The following TEKT5 variants were observed in gnomAD, a reference collection of about 807,000 sequenced individuals.
The protein encoded by TEKT5 is tektin 5, also known as tektin-5.
In TEKT5, 52 loss-of-function variants were observed where a neutral mutation model predicts 48.7. The ratio of observed to expected loss-of-function variants is 1.07; its 90% CI spans 0.86 to 1.35. The LOEUF is 1.35. Ranked by LOEUF, TEKT5 falls within the 40% of genes most tolerant of loss-of-function variation. The pLI, the probability that TEKT5 is intolerant of heterozygous loss-of-function variation, is 0.00. For missense variants in TEKT5, 831 were observed against 641.6 expected (o/e 1.30, Z -3.19); for synonymous variants, 318 against 267.6 (o/e 1.19, Z -1.84).
intron 5 of TEKT5, among the ~76,000 whole-genome samples, chr16:10,648,001 G>C (rs1172477584): frequency 1.3e-5 from 2 of 152,172 alleles, no homozygotes; most frequent in Admixed American, 6.5e-5. Context: ...ACGAGTACTG[G>C]CTACAAGTGA....
Position 10,694,443 on chromosome 16 carries a change from C to A in TEKT5, c.431G>T (p.Arg144Met). 6.2e-7 allele frequency: 1 copy of A among 1,614,218 alleles called. No homozygotes were observed. The highest frequency in any genetic ancestry group is 8.5e-7 in the Non-Finnish European group (1 of 1,180,046). ...QEGTCRNLGQ[R>M]LSDIGFWKSE... ...CTTCCAGAAGCCAATGTCCGACAGCCTCTGGCCCAGGTTCCGGCAGGTGCC... is the reference window on the plus strand; with the variant it reads ...CTTCCAGAAGCCAATGTCCGACAGCATCTGGCCCAGGTTCCGGCAGGTGCC... The change falls in exon 1 of 7, where the codon AGG becomes ATG. Residue 144 changes from arginine (R) to methionine (M), a missense_variant. Physicochemically the swap from Arg to Met is moderately conservative, Grantham distance 91. Transcript: ENST00000283025.
At chr16:10,635,027 A>G (rs1897893742) in intron 6 of TEKT5, among the ~76,000 whole-genome samples, 3 of 152,160 alleles carry the variant, frequency 2.0e-5, no homozygotes, top group Admixed American at 6.5e-5. Context: ...ATTACACAGC[A>G]ATAGACAACT....
intron 5 of TEKT5, among the ~76,000 whole-genome samples, chr16:10,645,922 A>G (rs1898062870): frequency 6.6e-6 from 1 of 152,010 alleles, no homozygotes; most frequent in South Asian, 2.1e-4. Context: ...GCTTGAGCCA[A>G]GGAGTTTGAG....
intron 5 of TEKT5, among the ~76,000 whole-genome samples, chr16:10,642,990 A>G (rs957431943): frequency 1.3e-5 from 2 of 152,246 alleles, no homozygotes; most frequent in African/African-American, 4.8e-5. Context: ...TTCCCAACAC[A>G]AAGAAATGAT....
chr16:10,652,412 C>G (rs956306248), intron 5 of TEKT5, among the ~76,000 whole-genome samples: 2 of 151,006 alleles, frequency 1.3e-5, no homozygotes, highest in African/African-American at 4.9e-5. Context: ...CACACACACC[C>G]TCCAGGCCAG....
intron 2 of TEKT5, 109 bp from the exon 3 acceptor site, chr16:10,689,432 C>G: frequency 2.1e-6 from 2 of 953,068 alleles, no homozygotes; most frequent in Non-Finnish European, 3.2e-6. Flanking sequence ...CACCCTCGAC[C>G]CCAGGAGGTG....
chr16:10,630,463 A>T (rs2719663), intron 6 of TEKT5, among the ~76,000 whole-genome samples: 1,928 of 152,148 alleles, frequency 0.013, 41 homozygotes, highest in African/African-American at 0.044. Context: ...TTGGTCTCAA[A>T]CTCCTGGGCT....
chr16:10,627,708 TGACCAGCAGCTGCAGC>T lies in TEKT5; in HGVS notation c.1317_1332del (p.Leu440Ter). On this transcript the variant is annotated frameshift_variant, in exon 7 of 7. Transcript: ENST00000283025. LOFTEE classifies it high-confidence loss of function. Reference sequence around the variant, plus strand: ...TCGTGCTCCAGCCGGCACTTGGTCATGACCAGCAGCTGCAGCGTGTCCTGTGTCTCCCGCAGCCGCA... The same window carrying T: ...TCGTGCTCCAGCCGGCACTTGGTCATGTGTCCTGTGTCTCCCGCAGCCGCA... The T allele has an allele frequency of 1.2e-6, 2 of 1,614,244 alleles. No individual in the cohort carries two copies. Among genetic ancestry groups the T allele is most frequent in the Non-Finnish European group, 1.7e-6 (2 of 1,180,044 alleles).
intron 5 of TEKT5, among the ~76,000 whole-genome samples, chr16:10,674,120 G>T (rs1408008167): frequency 6.6e-6 from 1 of 151,958 alleles, no homozygotes; most frequent in South Asian, 2.1e-4. Flanking sequence ...AGACCCACCT[G>T]CCCCTTCCTC....
At chr16:10,659,122 A>T (rs541057150) in intron 5 of TEKT5, among the ~76,000 whole-genome samples, 47 of 152,316 alleles carry the variant, frequency 3.1e-4, no homozygotes, top group African/African-American at 1.1e-3. Flanking sequence ...CCACCCCGCA[A>T]GCTGTGACAA....
At chr16:10,660,395 G>A (rs1898346216) in intron 5 of TEKT5, among the ~76,000 whole-genome samples, 2 of 151,676 alleles carry the variant, frequency 1.3e-5, no homozygotes, top group African/African-American at 4.9e-5. Flanking sequence ...CCCACCTGCT[G>A]GCAGAATTCT....
At chr16:10,645,455 T>C (rs1339572236) in intron 5 of TEKT5, among the ~76,000 whole-genome samples, 1 of 152,086 alleles carries the variant, frequency 6.6e-6, no homozygotes, top group Admixed American at 6.5e-5. Context: ...AAGGCTGCAG[T>C]GAGCCGTGAT....
rs567939508 is a variant in TEKT5, at chr16:10,679,858, T to C, written c.863+2135A>G. Among the ~76,000 whole-genome samples the C allele has an allele frequency of 4.1e-3, 598 of 144,496 alleles. 3 individuals are homozygous for C. The highest frequency in any genetic ancestry group is 7.6e-3 in the Non-Finnish European group (491 of 64,958). The allele number at this position is 144,496 out of a possible 152,430, so 94.8% of individuals were successfully genotyped here. On this transcript the variant is annotated intron_variant, in intron 4 of 6. Transcript: ENST00000283025. ...GCTGTGGTGAGCCGAGATCGCACCA[T>C]TGCCCTCCAGCCTGGGCAACAAGAG...
In TEKT5 at chr16:10,682,097, G is replaced by A. The variant is rs560563013; in HGVS notation, c.759C>T (p.Leu253=). Residue 253 remains leucine (L), a synonymous_variant, in exon 4 of 7, where the codon CTC becomes CTT. Transcript: ENST00000283025. ...RDAQHVLERD[L]EDKSSAQCID... ...TACACTGGGCCGAGCTTTTGTCTTC[G>A]AGGTCCCTCTCCAGCACGTGCTGAG... 29 of 1,613,938 alleles carry A rather than the reference G, an allele frequency of 1.8e-5. No individual in the cohort carries two copies. The highest frequency in any genetic ancestry group is 8.0e-5 in the African/African-American group (6 of 74,874).
chr16:10,692,536 C>T (rs1898997848), intron 1 of TEKT5: 1 of 152,320 alleles, frequency 6.6e-6, no homozygotes, highest in Non-Finnish European at 1.5e-5. Context: ...GGTTCCTTAC[C>T]CAGTGTCCAC....
At chr16:10,694,255 A>T in intron 1 of TEKT5, 55 bp downstream of exon 1, 1 of 1,494,282 alleles carries the variant, frequency 6.7e-7, no homozygotes. Context: ...AAGCAGAATG[A>T]GCGTGCAGTA....
At chr16:10,678,886 T>C (rs1336064149) in intron 4 of TEKT5, among the ~76,000 whole-genome samples, 3 of 152,088 alleles carry the variant, frequency 2.0e-5, no homozygotes, top group African/African-American at 7.2e-5. Flanking sequence ...TGTGTCTCAG[T>C]AGGGGGAAGT....
At chr16:10,690,425 T>C (rs1898948494) in intron 1 of TEKT5, among the ~76,000 whole-genome samples, 2 of 152,230 alleles carry the variant, frequency 1.3e-5, no homozygotes, top group South Asian at 2.1e-4. Context: ...CTGACTTCAA[T>C]CGGGGCTTGA....
intron 1 of TEKT5, among the ~76,000 whole-genome samples, chr16:10,693,259 C>A (rs55905132): frequency 1.3e-5 from 2 of 152,126 alleles, no homozygotes; most frequent in African/African-American, 2.4e-5. Flanking sequence ...CCATACCCAG[C>A]TAATTTTGTA....
Sources: gnomAD v4.1 joint callset for allele counts (sites outside exome capture counted in the v4.1 genomes callset) on GRCh38, gnomAD v4.1.1 for gene constraint, MANE v1.5 for transcripts, NCBI Gene and HGNC (gene_info 2026-07-23, HGNC 2026-07-21) for gene names.